Variants in RAP1GAP2 observed in about 807,000 individuals in gnomAD.
RAP1GAP2 encodes rap1 GTPase-activating protein 2.
In RAP1GAP2, 27 loss-of-function variants were observed where a neutral mutation model predicts 95.0. That is an observed-to-expected ratio of 0.28 (90% CI 0.21 to 0.39). RAP1GAP2 has a LOEUF of 0.39. RAP1GAP2 is among the 10% of genes least tolerant of loss of function. The pLI is 1.00. For missense variants in RAP1GAP2, 771 were observed against 970.0 expected (o/e 0.79, Z 2.72); for synonymous variants, 373 against 380.9 (o/e 0.98, Z 0.24).
At chr17:2,890,241 T>G (rs905211798) in intron 2 of RAP1GAP2, among the ~76,000 whole-genome samples, 1 of 152,144 alleles carries the variant, frequency 6.6e-6, no homozygotes, top group Non-Finnish European at 1.5e-5. Context: ...AACAGCTTCA[T>G]GCATTTGTCT....
intron 19 of RAP1GAP2, among the ~76,000 whole-genome samples, chr17:3,022,375 A>G (rs2046990294): frequency 6.6e-6 from 1 of 152,246 alleles, no homozygotes; most frequent in South Asian, 2.1e-4. Context: ...AAGGTTAAAC[A>G]TAGAGTTACC....
chr17:2,770,829 T>A (rs2151434996), intron 2 of RAP1GAP2, among the ~76,000 whole-genome samples: 1 of 152,214 alleles, frequency 6.6e-6, no homozygotes, highest in African/African-American at 2.4e-5. Flanking sequence ...TCACTTGAGG[T>A]CAGGAGTTCA....
At chr17:2,811,212 G>A (rs1381372148) in intron 2 of RAP1GAP2, among the ~76,000 whole-genome samples, 2 of 152,130 alleles carry the variant, frequency 1.3e-5, no homozygotes, top group African/African-American at 2.4e-5. Context: ...GATCTTTGTC[G>A]GAAGGGTTCA....
At chr17:2,844,487 G>T (rs556018147) in intron 2 of RAP1GAP2, among the ~76,000 whole-genome samples, 1 of 152,320 alleles carries the variant, frequency 6.6e-6, no homozygotes, top group South Asian at 2.1e-4. Flanking sequence ...ATGGAAAGGG[G>T]GTGGAAAAGC....
chr17:2,905,762 C>T (rs2042177248), intron 3 of RAP1GAP2, among the ~76,000 whole-genome samples: 1 of 152,150 alleles, frequency 6.6e-6, no homozygotes, highest in Admixed American at 6.5e-5. Flanking sequence ...CGGCCTCTGG[C>T]TGGCCCTTCT....
chr17:2,767,733 A>G (rs1156880814), intron 1 of RAP1GAP2, among the ~76,000 whole-genome samples: 1 of 149,738 alleles, frequency 6.7e-6, no homozygotes, highest in African/African-American at 2.4e-5. Flanking sequence ...ATAATTTATT[A>G]TAGCTTTTTT....
chr17:2,822,802 C>T (rs1467584105), intron 2 of RAP1GAP2, among the ~76,000 whole-genome samples: 1 of 151,714 alleles, frequency 6.6e-6, no homozygotes, highest in African/African-American at 2.4e-5. Flanking sequence ...GTGTGCTGCA[C>T]CCATTAACTC....
intron 10 of RAP1GAP2, among the ~76,000 whole-genome samples, chr17:2,982,957 G>A (rs2045421935): frequency 1.3e-5 from 2 of 152,204 alleles, no homozygotes; most frequent in Non-Finnish European, 2.9e-5. Flanking sequence ...TTCTTTGGAC[G>A]TTCTCCATGG....
At chr17:2,912,322 C>A (rs1190717667) in intron 3 of RAP1GAP2, among the ~76,000 whole-genome samples, 1 of 152,150 alleles carries the variant, frequency 6.6e-6, no homozygotes, top group African/African-American at 2.4e-5. Context: ...GGCTTCTGTT[C>A]CAGCTTGTAG....
At chr17:2,991,914 G>A (rs1381342670) in intron 12 of RAP1GAP2, among the ~76,000 whole-genome samples, 6 of 151,002 alleles carry the variant, frequency 4.0e-5, no homozygotes, top group African/African-American at 7.3e-5. Flanking sequence ...ACAGGCGCCC[G>A]CCAACACGCC....
rs150056186 is a variant in RAP1GAP2, at chr17:2,758,180, C to T, written c.50+2413C>T. Among the ~76,000 whole-genome samples, 547 of 138,982 alleles carry T rather than the reference C, an allele frequency of 3.9e-3. 6 individuals carry two copies. The highest frequency in any genetic ancestry group is 0.011 in the Middle Eastern group (3 of 262). The allele number at this position is 138,982 out of a possible 152,430, so 91.2% of individuals were successfully genotyped here. A position where few individuals can be genotyped will look rare whatever the true frequency, so the allele number is the denominator to read the frequency against. The stretch of plus-strand genomic sequence containing the variant: ...CACCACGCCTGGCCACGCCCCCCCC[C>T]CTTTTTTTTTTTTAAGATGAAGTCT... On this transcript the variant is annotated intron_variant, in intron 1 of 25. Coordinates refer to the RAP1GAP2 transcript ENST00000637138.
chr17:2,891,883 A>G (rs900590454), intron 2 of RAP1GAP2, among the ~76,000 whole-genome samples: 2 of 117,000 alleles, frequency 1.7e-5, no homozygotes, highest in Non-Finnish European at 3.2e-5. Context: ...GAGTGTAATG[A>G]TGTGATCTCG....
intron 2 of RAP1GAP2, among the ~76,000 whole-genome samples, chr17:2,852,417 G>A (rs1406213032): frequency 6.6e-6 from 1 of 152,064 alleles, no homozygotes; most frequent in Non-Finnish European, 1.5e-5. Context: ...AACCACCCTG[G>A]GGCTTCCTCC....
intron 17 of RAP1GAP2, among the ~76,000 whole-genome samples, chr17:3,010,272 G>C (rs953582657): frequency 4.7e-5 from 7 of 150,354 alleles, no homozygotes; most frequent in African/African-American, 1.7e-4. Context: ...CCCGGGAGGC[G>C]GAGGTTGCAG....
intron 8 of RAP1GAP2, among the ~76,000 whole-genome samples, chr17:2,966,331 G>C (rs1015222377): frequency 2.6e-5 from 4 of 152,304 alleles, no homozygotes; most frequent in African/African-American, 9.6e-5. Flanking sequence ...GTGTGTCACG[G>C]GTATGATTTT....
chr17:2,847,324 G>A (rs921686541), intron 2 of RAP1GAP2, among the ~76,000 whole-genome samples: 2 of 152,140 alleles, frequency 1.3e-5, no homozygotes, highest in Non-Finnish European at 2.9e-5. Flanking sequence ...TGTCTTTAAA[G>A]GACAACAGCA....
rs998393453 is a variant in RAP1GAP2 at position 2,867,987 on chromosome 17, T to A, written c.81-37297T>A. 1.3e-5 allele frequency among the ~76,000 whole-genome samples: 2 copies of A among 152,274 alleles called. No homozygotes were observed. Among genetic ancestry groups the A allele is most frequent in the East Asian group, 3.9e-4 (2 of 5,188 alleles). ...CTTCCTGGGCTGTCTTTTCTCTGAG[T>A]CCATTCTGAACATCAAAGCATTCAG... On this transcript the variant is annotated intron_variant, in intron 2 of 24. Transcript: ENST00000254695. The surrounding 1 kb of genome is among the most constrained non-coding windows in gnomAD (Gnocchi z 4.5).
chr17:2,838,781 G>A (rs2071253519), intron 2 of RAP1GAP2, among the ~76,000 whole-genome samples: 1 of 152,098 alleles, frequency 6.6e-6, no homozygotes, highest in South Asian at 2.1e-4. Context: ...TCCCTTTGCA[G>A]TTCTCTTTCT....
At chr17:2,885,028 C>CTTTTTTTTTTTTTTTT (rs891984333) in intron 2 of RAP1GAP2, among the ~76,000 whole-genome samples, 9 of 112,504 alleles carry the variant, frequency 8.0e-5, no homozygotes, top group African/African-American at 1.1e-4. Flanking sequence ...TTATTTCTTT[C>CTTTTTTTTTTTTTTTT]TTTTTTTTTT....
Sources: gnomAD v4.1 joint callset for allele counts (sites outside exome capture counted in the v4.1 genomes callset) on GRCh38, gnomAD v4.1.1 for gene constraint, Gnocchi (gnomAD v3.1) non-coding constraint, MANE v1.5 for transcripts, NCBI Gene and HGNC (gene_info 2026-07-23, HGNC 2026-07-21) for gene names.